RGS6: variants seen among roughly 807,000 people sequenced by gnomAD.
RGS6 encodes regulator of G protein signaling 6.
RGS6 carries 30 observed loss-of-function variants against 78.5 expected under a neutral mutation model. The observed-to-expected ratio is 0.38, with a 90% CI of 0.29 to 0.52. The LOEUF is 0.52. RGS6 is among the 20% of genes least tolerant of loss of function. The pLI, the probability that RGS6 is intolerant of heterozygous loss-of-function variation, is 0.85. For synonymous variants in RGS6, 206 were observed against 206.0 expected (o/e 1.00, Z 0.00); for missense variants, 495 against 609.7 (o/e 0.81, Z 1.98).
chr14:72,027,057 G>A (rs919396186), intron 2 of RGS6, among the ~76,000 whole-genome samples: 10 of 152,146 alleles, frequency 6.6e-5, no homozygotes, highest in Non-Finnish European at 1.2e-4. Flanking sequence ...GGATGCCTGC[G>A]TGTCTGGGGA....
intron 12 of RGS6, among the ~76,000 whole-genome samples, chr14:72,483,902 C>T (rs966654847): frequency 5.9e-5 from 9 of 151,948 alleles, no homozygotes; most frequent in African/African-American, 2.2e-4. Flanking sequence ...AATGTGTTTT[C>T]TCTGGGTGAC....
At chr14:72,385,799 G>C (rs990194415) in intron 3 of RGS6, among the ~76,000 whole-genome samples, 2 of 152,120 alleles carry the variant, frequency 1.3e-5, no homozygotes, top group Non-Finnish European at 2.9e-5. Flanking sequence ...AGTTGCTATG[G>C]GGCAAGTGGG....
At chr14:72,176,127 C>T (rs528287695) in intron 2 of RGS6, among the ~76,000 whole-genome samples, 30 of 152,144 alleles carry the variant, frequency 2.0e-4, no homozygotes, top group Non-Finnish European at 3.7e-4. Flanking sequence ...TCCAGTCCAC[C>T]CCTTAGTTGA....
At chr14:72,077,748 T>C (rs1442274416) in intron 2 of RGS6, among the ~76,000 whole-genome samples, 1 of 152,188 alleles carries the variant, frequency 6.6e-6, no homozygotes, top group South Asian at 2.1e-4. Flanking sequence ...TCTTTTTCAA[T>C]GATTATTTTT....
the RGS6 span, chr14:72,612,494 A>G: frequency 1.9e-6 from 1 of 518,314 alleles, no homozygotes. Context: ...TGCACGGGGT[A>G]TATTTTCTTT....
chr14:72,357,857 G>A (rs2080652976), intron 3 of RGS6, among the ~76,000 whole-genome samples: 1 of 152,184 alleles, frequency 6.6e-6, no homozygotes, highest in Non-Finnish European at 1.5e-5. Flanking sequence ...TGGGGAAAAT[G>A]TCTCCAGGGC....
chr14:72,002,731 A>G (rs1268193340), intron 2 of RGS6, among the ~76,000 whole-genome samples: 1 of 152,156 alleles, frequency 6.6e-6, no homozygotes, highest in Non-Finnish European at 1.5e-5. Flanking sequence ...GTTTCTGGGG[A>G]GACAGATTTT....
intron 2 of RGS6, among the ~76,000 whole-genome samples, chr14:72,136,344 TA>T (rs964727805): frequency 2.3e-4 from 34 of 146,632 alleles, no homozygotes; most frequent in African/African-American, 4.7e-4. Context: ...TCAACAAACT[TA>T]AAAAAAAAAA....
the RGS6 span, among the ~76,000 whole-genome samples, chr14:71,889,833 C>T: frequency 2.6e-5 from 4 of 152,098 alleles, no homozygotes; most frequent in Non-Finnish European, 4.4e-5. Context: ...ATCCCCTTGG[C>T]ACTATTCTCA....
At chr14:71,906,758 C>G in the RGS6 span, among the ~76,000 whole-genome samples, 1 of 52,366 alleles carries the variant, frequency 1.9e-5, no homozygotes, top group African/African-American at 3.9e-5. Flanking sequence ...TTTAGGCACT[C>G]GTGTCTCCAA....
rs558276808 is a variant in RGS6, at chr14:72,538,706, C to T, written c.1369-1335C>T. Among the ~76,000 whole-genome samples the T allele has an allele frequency of 1.1e-4, 17 of 152,328 alleles. No individual in the cohort carries two copies. In the South Asian group the frequency reaches 3.3e-3, roughly 30 times the overall value. ...CAGAATAGAGACTTGGTATGGTACCCGGGGCCAAGCATGAGTCCTTCAGTT... is the reference window on the plus strand; with the variant it reads ...CAGAATAGAGACTTGGTATGGTACCTGGGGCCAAGCATGAGTCCTTCAGTT... On this transcript the variant is annotated intron_variant, in intron 16 of 17. Transcript: ENST00000553525.
intron 15 of RGS6, 124 bp from the exon 16 acceptor site, chr14:72,536,062 G>A (rs2097247676): frequency 1.4e-6 from 1 of 724,216 alleles, no homozygotes; most frequent in African/African-American, 1.7e-5. Flanking sequence ...GTTTTTCTAG[G>A]TACATGCAAA....
At chr14:71,925,062 C>T in the RGS6 span, among the ~76,000 whole-genome samples, 4 of 152,182 alleles carry the variant, frequency 2.6e-5, no homozygotes, top group Admixed American at 1.3e-4. Context: ...TTTTCCACCT[C>T]CTTGCCAACA....
chr14:72,197,466 A>C (rs1026783229), intron 2 of RGS6, among the ~76,000 whole-genome samples: 2 of 152,134 alleles, frequency 1.3e-5, no homozygotes, highest in African/African-American at 4.8e-5. Flanking sequence ...CCATGTTTCC[A>C]CTGTCCTGCG....
intron 2 of RGS6, among the ~76,000 whole-genome samples, chr14:72,168,521 A>C (rs1293212435): frequency 3.3e-5 from 5 of 152,206 alleles, no homozygotes; most frequent in African/African-American, 9.7e-5. Flanking sequence ...GACTTAATAC[A>C]AAAAATAAAG....
intron 2 of RGS6, among the ~76,000 whole-genome samples, chr14:72,239,314 T>C (rs1350717126): frequency 6.6e-6 from 1 of 152,174 alleles, no homozygotes; most frequent in African/African-American, 2.4e-5. Flanking sequence ...TCTGGTGGTG[T>C]GCCCCTGGAA....
At chr14:72,460,178 G>A (rs2095743226) in intron 6 of RGS6, among the ~76,000 whole-genome samples, 1 of 152,168 alleles carries the variant, frequency 6.6e-6, no homozygotes, top group Non-Finnish European at 1.5e-5. Flanking sequence ...AGTCACTCTG[G>A]ACTAGGAAAA....
At chr14:71,943,228 G>A (rs1350221461) in intron 1 of RGS6, among the ~76,000 whole-genome samples, 1 of 152,106 alleles carries the variant, frequency 6.6e-6, no homozygotes, top group African/African-American at 2.4e-5. Context: ...TTAAAATCCT[G>A]TTAATTGTGT....
intron 2 of RGS6, among the ~76,000 whole-genome samples, chr14:72,145,345 A>C (rs1159583332): frequency 3.9e-5 from 6 of 152,202 alleles, no homozygotes; most frequent in Non-Finnish European, 5.9e-5. Flanking sequence ...CTTCAGAGTC[A>C]AACCATGGAC....
Sources: allele counts gnomAD v4.1 joint callset (sites outside exome capture counted in the v4.1 genomes callset), GRCh38; gene constraint gnomAD v4.1.1; transcripts MANE v1.5; gene names NCBI Gene and HGNC (gene_info 2026-07-23, HGNC 2026-07-21).